Variants in UNC79 observed in about 807,000 individuals in gnomAD.
The protein encoded by UNC79 is unc-79 subunit of NALCN channel complex, also known as protein unc-79 homolog.
In UNC79, 37 loss-of-function variants were observed where a neutral mutation model predicts 283.1. The observed-to-expected ratio is 0.13, with a 90% CI of 0.10 to 0.17. UNC79 has a LOEUF of 0.17. Ranked by LOEUF, UNC79 falls within the 10% of genes least tolerant of loss-of-function variation. UNC79 has a pLI of 1.00. For synonymous variants in UNC79, 1,107 were observed against 1,200.2 expected, an observed-to-expected ratio of 0.92 and a Z score of 1.61; for missense variants, 2,272 against 3,211.1, an observed-to-expected ratio of 0.71 and a Z score of 7.07.
intron 23 of UNC79, among the ~76,000 whole-genome samples, chr14:93,595,988 T>G (rs140170126): frequency 9.2e-5 from 14 of 152,312 alleles, no homozygotes; most frequent in African/African-American, 3.4e-4. Flanking sequence ...AAATTAGATA[T>G]GTGCTAGGTG....
At chr14:93,368,735 G>A (rs148373065) in intron 1 of UNC79, among the ~76,000 whole-genome samples, 1 of 152,134 alleles carries the variant, frequency 6.6e-6, no homozygotes, top group South Asian at 2.1e-4. Context: ...GCCTTCCAAA[G>A]TGCGGGGATT....
At chr14:93,479,188 C>T (rs905011251) in intron 4 of UNC79, among the ~76,000 whole-genome samples, 7 of 131,780 alleles carry the variant, frequency 5.3e-5, no homozygotes, top group African/African-American at 2.0e-4. Context: ...TCCTTCCTTC[C>T]TTCCTTCCTT....
At chr14:93,341,867 TC>T (rs1397458464) in intron 1 of UNC79, among the ~76,000 whole-genome samples, 1 of 152,192 alleles carries the variant, frequency 6.6e-6, no homozygotes, top group African/African-American at 2.4e-5. Flanking sequence ...ATGTCTCACA[TC>T]CAAGACATAC....
At chr14:93,358,726 C>CGATCA (rs2139935641) in intron 1 of UNC79, among the ~76,000 whole-genome samples, 1 of 152,310 alleles carries the variant, frequency 6.6e-6, no homozygotes, top group African/African-American at 2.4e-5. Context: ...CCTCCCTGAT[C>CGATCA]CATGCTGCCA....
At chr14:93,686,466 A>C (rs947957468) in intron 42 of UNC79, 106 bp from the exon 46 acceptor site, 1 of 1,217,978 alleles carries the variant, frequency 8.2e-7, no homozygotes. Flanking sequence ...TCAGAAATCC[A>C]GAAAGTAAAA....
At chr14:93,356,547 T>C (rs893108902) in intron 1 of UNC79, among the ~76,000 whole-genome samples, 11 of 152,238 alleles carry the variant, frequency 7.2e-5, no homozygotes, top group Non-Finnish European at 1.3e-4. Context: ...ATTTCACCAG[T>C]GTCTGGCCTG....
chr14:93,672,478 G>T (rs568911269), intron 40 of UNC79, among the ~76,000 whole-genome samples: 12 of 152,284 alleles, frequency 7.9e-5, no homozygotes, highest in African/African-American at 2.6e-4. Context: ...TTTCATGGAG[G>T]TAGAGTGTGG....
chr14:93,575,016 T>C, intron 16 of UNC79, 42 bp from the exon 17 acceptor site: 1 of 1,569,940 alleles, frequency 6.4e-7, no homozygotes, highest in Non-Finnish European at 8.6e-7. Flanking sequence ...AGTTTTAAAA[T>C]TTACATGTGT....
At chr14:93,577,976 A>G in exon 18 of UNC79, 1 of 1,614,242 alleles carries the variant, frequency 6.2e-7, no homozygotes, top group Non-Finnish European at 8.5e-7. Flanking sequence ...TTGGACACCC[A>G]GGAGGAAGGA....
At chr14:93,549,854 T>A (rs563536476) in intron 14 of UNC79, among the ~76,000 whole-genome samples, 78 of 152,366 alleles carry the variant, frequency 5.1e-4, no homozygotes, top group African/African-American at 1.8e-3. Flanking sequence ...GCAGCTAGGT[T>A]ACAGTTCACT....
chr14:93,351,379 A>G (rs1056979672), intron 1 of UNC79, among the ~76,000 whole-genome samples: 2 of 152,138 alleles, frequency 1.3e-5, no homozygotes, highest in Non-Finnish European at 1.5e-5. Flanking sequence ...AATGTTTTGA[A>G]CCTTTTAACA....
At chr14:93,530,755 A>G (rs2060778752) in intron 10 of UNC79, among the ~76,000 whole-genome samples, 1 of 152,080 alleles carries the variant, frequency 6.6e-6, no homozygotes, top group Admixed American at 6.5e-5. Context: ...TAAAAATACA[A>G]AAAATTAGCC....
Position 93,385,257 on chromosome 14 carries a change from G to T in UNC79, c.-351+51734G>T, listed in dbSNP as rs78005169. 8.4e-3 allele frequency among the ~76,000 whole-genome samples: 1,280 copies of T among 152,118 alleles called. 19 individuals carry two copies. Among genetic ancestry groups the T allele is most frequent in the African/African-American group, 0.029 (1,221 of 41,510 alleles). ...TGCATTGAATCTGTAGATTGCATTG[G>T]GTAGTACAGACATTTTAACAATATT... On this transcript the variant is annotated intron_variant, in intron 1 of 49. Coordinates refer to the UNC79 transcript ENST00000256339.
exon 26 of UNC79, chr14:93,603,401 C>A (rs1373264207): frequency 6.2e-7 from 1 of 1,613,732 alleles, no homozygotes; most frequent in Non-Finnish European, 8.5e-7. Flanking sequence ...CTCCCTGAGA[C>A]CCTGACCTCC....
intron 14 of UNC79, among the ~76,000 whole-genome samples, chr14:93,561,317 G>C (rs1015727290): frequency 4.6e-5 from 7 of 152,162 alleles, no homozygotes. Flanking sequence ...GTTGATATAA[G>C]GAGAAAGGTT....
intron 1 of UNC79, among the ~76,000 whole-genome samples, chr14:93,461,456 A>T (rs1231388234): frequency 6.6e-6 from 1 of 152,200 alleles, no homozygotes; most frequent in Admixed American, 6.5e-5. Context: ...GGGCCGTAAA[A>T]TATCAAACAG....
At chr14:93,706,499 A>G (rs1858087881) in intron 48 of UNC79, among the ~76,000 whole-genome samples, 2 of 152,116 alleles carry the variant, frequency 1.3e-5, no homozygotes, top group South Asian at 4.1e-4. Flanking sequence ...TGTCATTATT[A>G]TGATGGGTTT....
chr14:93,380,704 A>G (rs917007066), intron 1 of UNC79, among the ~76,000 whole-genome samples: 1 of 152,188 alleles, frequency 6.6e-6, no homozygotes, highest in Non-Finnish European at 1.5e-5. Flanking sequence ...TCTGTGGTAT[A>G]TAGAAGGTAC....
intron 1 of UNC79, among the ~76,000 whole-genome samples, chr14:93,370,589 G>A (rs150541569): frequency 0.02 from 3,001 of 152,200 alleles, 52 homozygotes; most frequent in South Asian, 0.076. Context: ...TGGCTGACAC[G>A]GTGAAACCCC....
Sources: gnomAD v4.1 joint callset for allele counts (sites outside exome capture counted in the v4.1 genomes callset) on GRCh38, gnomAD v4.1.1 for gene constraint, MANE v1.5 for transcripts, NCBI Gene and HGNC (gene_info 2026-07-23, HGNC 2026-07-21) for gene names.